The following CFAP47 variants were observed in gnomAD, a reference collection of about 807,000 sequenced individuals.
The protein encoded by CFAP47 is cilia and flagella associated protein 47.
A neutral mutation model predicts 148.1 loss-of-function variants in CFAP47; 29 were observed. That is an observed-to-expected ratio of 0.20 (90% confidence interval 0.15 to 0.27). CFAP47 has a LOEUF of 0.27. Ranked by LOEUF, CFAP47 falls within the 10% of genes least tolerant of loss-of-function variation. The pLI, the probability that CFAP47 is intolerant of heterozygous loss-of-function variation, is 1.00. For synonymous variants in CFAP47, 664 were observed against 577.3 expected (o/e 1.15, Z -2.15); for missense variants, 1,872 against 1,697.5 (o/e 1.10, Z -1.81).
At chrX:35,948,491 T>A (rs1485728178) in intron 4 of CFAP47, 39 bp downstream of exon 4, 2 of 1,057,335 alleles carry the variant, frequency 1.9e-6, no homozygotes, top group Non-Finnish European at 2.6e-6. Context: ...ATAATACAGA[T>A]CTCAATGCTT....
intron 33 of CFAP47, among the ~76,000 whole-genome samples, chrX:36,128,951 A>G (rs1163915867): frequency 9.3e-6 from 1 of 107,466 alleles, no homozygotes; most frequent in East Asian, 3.0e-4. Context: ...TATTTTTTTT[A>G]ATACATTTAA....
At chrX:35,950,570 C>G (rs1936148801) in intron 4 of CFAP47, among the ~76,000 whole-genome samples, 1 of 110,511 alleles carries the variant, frequency 9.0e-6, no homozygotes, top group African/African-American at 3.3e-5. Flanking sequence ...GATAGGGTCT[C>G]ACTGTGTGGC....
intron 15 of CFAP47, among the ~76,000 whole-genome samples, chrX:35,985,239 C>T (rs181998876): frequency 2.9e-3 from 319 of 111,148 alleles, no homozygotes; most frequent in Non-Finnish European, 4.3e-3. Context: ...TAGGAACATC[C>T]GTGCTGGAGG....
chrX:35,950,848 G>A (rs899038689), intron 4 of CFAP47, among the ~76,000 whole-genome samples: 1 of 111,673 alleles, frequency 9.0e-6, no homozygotes, highest in Non-Finnish European at 1.9e-5. Flanking sequence ...ATGCCATTGA[G>A]TTTTTTCTGG....
At chrX:36,211,474 C>T in intron 45 of CFAP47, 1 of 288,794 alleles carries the variant, frequency 3.5e-6, no homozygotes, top group South Asian at 4.0e-5. Context: ...CCTGTCCAGT[C>T]CACTAGTGAT....
intron 30 of CFAP47, among the ~76,000 whole-genome samples, chrX:36,088,327 G>A (rs1938124382): frequency 9.0e-6 from 1 of 111,243 alleles, no homozygotes; most frequent in Non-Finnish European, 1.9e-5. Context: ...CTTGTCATTT[G>A]TGTCTGGTAT....
chrX:36,150,352 T>A (rs2146842551), intron 37 of CFAP47, among the ~76,000 whole-genome samples: 1 of 112,255 alleles, frequency 8.9e-6, no homozygotes, highest in African/African-American at 3.2e-5. Flanking sequence ...AATACTCTTG[T>A]TTATTAAATA....
At chrX:36,290,050 T>C (rs1941178432) in intron 51 of CFAP47, among the ~76,000 whole-genome samples, 1 of 109,295 alleles carries the variant, frequency 9.1e-6, no homozygotes, top group Admixed American at 9.9e-5. Context: ...TCTTCCTCCC[T>C]CCCTCTTCTC....
rs187800547 is a variant in CFAP47 at position 36,105,581 on chromosome X, T to C, written c.5320+890T>C. Among the ~76,000 whole-genome samples, 109 of 112,067 alleles carry C rather than the reference T, an allele frequency of 9.7e-4. No homozygotes were observed. In the East Asian group the frequency reaches 0.026, roughly 27 times the overall value. ...AAGAAAACACCAAGATTGAAAAAGATATATTGACATGTTGGTATTTGAGAA... is the reference window on the plus strand; with the variant it reads ...AAGAAAACACCAAGATTGAAAAAGACATATTGACATGTTGGTATTTGAGAA... On this transcript the variant is annotated intron_variant, in intron 33 of 63. Coordinates refer to ENST00000378653, the MANE Select transcript of CFAP47 (RefSeq NM_001304548.2).
At chrX:36,176,996 C>T (rs1331244560) in intron 39 of CFAP47, among the ~76,000 whole-genome samples, 1 of 112,332 alleles carries the variant, frequency 8.9e-6, no homozygotes, top group East Asian at 2.8e-4. Flanking sequence ...GGAACCCATT[C>T]CAGACCTGCG....
chrX:35,948,963 G>A (rs1435292386), intron 4 of CFAP47, among the ~76,000 whole-genome samples: 2 of 110,876 alleles, frequency 1.8e-5, no homozygotes, highest in Admixed American at 1.9e-4. Context: ...GATGGAGGTG[G>A]GGAGTGACAG....
chrX:36,300,519 G>A (rs1268820617), intron 52 of CFAP47, among the ~76,000 whole-genome samples: 1 of 111,088 alleles, frequency 9.0e-6, no homozygotes, highest in African/African-American at 3.3e-5. Context: ...TCGAACTCCT[G>A]ACCTCGTGAT....
rs368472625 is a variant in CFAP47 at position 36,164,084 on chromosome X, A to G, written c.6026+3315A>G. 7.2e-5 allele frequency among the ~76,000 whole-genome samples: 8 copies of G among 111,658 alleles called. No individual in the cohort carries two copies. In the East Asian group the frequency reaches 2.0e-3, roughly 27 times the overall value. On this transcript the variant is annotated intron_variant, in intron 39 of 63. Coordinates refer to ENST00000378653, the MANE Select transcript of CFAP47 (RefSeq NM_001304548.2). ...TTTAAATCATTTTAAATTTATGAAG[A>G]TTTGTTTTATGGCGTATCATAAGGT...
intron 49 of CFAP47, among the ~76,000 whole-genome samples, chrX:36,253,570 G>A (rs782254178): frequency 3.6e-5 from 4 of 111,193 alleles, no homozygotes; most frequent in Non-Finnish European, 5.7e-5. Context: ...GCATGTGTAC[G>A]CACGTGTGTT....
intron 21 of CFAP47, among the ~76,000 whole-genome samples, chrX:36,008,233 C>T (rs924451570): frequency 8.9e-6 from 1 of 111,795 alleles, no homozygotes. Context: ...TGATTCCCCT[C>T]ACACTTAGCT....
chrX:36,376,754 C>T (rs1261365397), intron 62 of CFAP47, among the ~76,000 whole-genome samples: 2 of 106,216 alleles, frequency 1.9e-5, no homozygotes, highest in Non-Finnish European at 3.9e-5. Context: ...AGGTATATCT[C>T]CTAATGCTAT....
intron 49 of CFAP47, among the ~76,000 whole-genome samples, chrX:36,267,587 T>G (rs1940908723): frequency 9.3e-6 from 1 of 107,587 alleles, no homozygotes; most frequent in Non-Finnish European, 1.9e-5. Flanking sequence ...CACGCCATTC[T>G]CCTGCCTCAG....
chrX:36,156,230 A>G (rs1393480340), intron 37 of CFAP47, among the ~76,000 whole-genome samples: 2 of 110,973 alleles, frequency 1.8e-5, no homozygotes, highest in Non-Finnish European at 3.8e-5. Context: ...CAAAAAAATG[A>G]GTAATTTTAT....
chrX:36,232,562 C>G (rs1262406191), intron 46 of CFAP47, among the ~76,000 whole-genome samples: 2 of 111,337 alleles, frequency 1.8e-5, no homozygotes, highest in Non-Finnish European at 3.8e-5. Flanking sequence ...TTCAAAAAAC[C>G]AGCTCCTGGA....
Sources: allele counts gnomAD v4.1 joint callset (sites outside exome capture counted in the v4.1 genomes callset), GRCh38; gene constraint gnomAD v4.1.1; transcripts MANE v1.5; gene names NCBI Gene and HGNC (gene_info 2026-07-23, HGNC 2026-07-21).